CADPS: variants seen among roughly 807,000 people sequenced by gnomAD.
CADPS encodes the protein calcium-dependent secretion activator 1.
In CADPS, 57 loss-of-function variants were observed where a neutral mutation model predicts 167.3. That is an observed-to-expected ratio of 0.34 (90% CI 0.28 to 0.42). The LOEUF is 0.42. CADPS is among the 20% of genes least tolerant of loss of function. The pLI is 1.00. For synonymous variants in CADPS, 676 were observed against 635.3 expected, an observed-to-expected ratio of 1.06 and a Z score of -0.96; for missense variants, 1,414 against 1,738.1, an observed-to-expected ratio of 0.81 and a Z score of 3.32.
At chr3:62,540,865 T>C (rs1290149000) in intron 11 of CADPS, among the ~76,000 whole-genome samples, 1 of 152,110 alleles carries the variant, frequency 6.6e-6, no homozygotes, top group East Asian at 1.9e-4. Flanking sequence ...ACAGTTGGAA[T>C]TGGTTGATTA....
chr3:62,532,478 C>T (rs1389660465), intron 13 of CADPS, among the ~76,000 whole-genome samples: 3 of 152,148 alleles, frequency 2.0e-5, no homozygotes, highest in Non-Finnish European at 4.4e-5. Context: ...GTTTCAGGCA[C>T]TATGTTGAGC....
chr3:62,549,945 C>T lies in CADPS; in HGVS notation c.1924G>A (p.Gly642Arg). 1 of 1,614,026 alleles carries T rather than the reference C, an allele frequency of 6.2e-7. No homozygotes were observed. The highest frequency in any genetic ancestry group is 8.5e-7 in the Non-Finnish European group (1 of 1,179,948). Reference protein sequence around the residue: ...PTQVQKLNAKGGNVPQLDAPI... With the variant: ...PTQVQKLNAKRGNVPQLDAPI... Reference sequence around the variant, plus strand: ...GCATCCAGCTGAGGTACATTTCCTCCCTTGGCGTTGAGTTTCTGGACTTGG... The same window carrying T: ...GCATCCAGCTGAGGTACATTTCCTCTCTTGGCGTTGAGTTTCTGGACTTGG... The change falls in exon 11 of 30, where the codon GGA becomes AGA. Residue 642 changes from glycine (G) to arginine (R), a missense_variant. Physicochemically the swap from Gly to Arg is moderately radical, Grantham distance 125. Coordinates refer to ENST00000383710, the MANE Select transcript of CADPS (RefSeq NM_003716.4).
intron 28 of CADPS, among the ~76,000 whole-genome samples, chr3:62,417,980 C>T (rs2050485555): frequency 6.6e-6 from 1 of 151,920 alleles, no homozygotes; most frequent in Admixed American, 6.6e-5. Flanking sequence ...GCCTGGGCAA[C>T]AAGTGAGATC....
chr3:62,604,646 T>A (rs1351703363), intron 6 of CADPS, among the ~76,000 whole-genome samples: 1 of 152,244 alleles, frequency 6.6e-6, no homozygotes, highest in Non-Finnish European at 1.5e-5. Context: ...TGAATGTCAG[T>A]GTTGCCTTCT....
intron 6 of CADPS, among the ~76,000 whole-genome samples, chr3:62,603,737 G>C (rs1309401881): frequency 6.6e-6 from 1 of 152,034 alleles, no homozygotes; most frequent in Non-Finnish European, 1.5e-5. Flanking sequence ...AGAACTCTAA[G>C]CATATTGATC....
chr3:62,663,303 TA>T (rs1563529810), intron 3 of CADPS, among the ~76,000 whole-genome samples: 3 of 152,186 alleles, frequency 2.0e-5, no homozygotes, highest in South Asian at 2.1e-4. Context: ...CACTATATTC[TA>T]ATAGAATTTT....
intron 1 of CADPS, among the ~76,000 whole-genome samples, chr3:62,835,195 A>G (rs2075720365): frequency 6.6e-6 from 1 of 152,182 alleles, no homozygotes; most frequent in African/African-American, 2.4e-5. Context: ...CAAATAAATG[A>G]AGATGTATAA....
intron 17 of CADPS, among the ~76,000 whole-genome samples, chr3:62,501,595 C>T (rs1377427839): frequency 2.0e-5 from 3 of 152,166 alleles, no homozygotes; most frequent in African/African-American, 2.4e-5. Context: ...CAGGAAATCC[C>T]ACTTGGGGCA....
chr3:62,536,220 T>C, intron 12 of CADPS: 3 of 416,490 alleles, frequency 7.2e-6, no homozygotes, highest in Non-Finnish European at 1.3e-5. Flanking sequence ...GAAGCTAAGA[T>C]AGGGAGGCTG....
At chr3:62,516,968 C>T (rs1327842463) in intron 14 of CADPS, among the ~76,000 whole-genome samples, 1 of 151,998 alleles carries the variant, frequency 6.6e-6, no homozygotes, top group East Asian at 1.9e-4. Context: ...ATGTTATTAT[C>T]GAGACTGGCG....
intron 28 of CADPS, among the ~76,000 whole-genome samples, chr3:62,437,702 A>AGGC (rs2055419438): frequency 1.3e-5 from 2 of 152,162 alleles, no homozygotes; most frequent in Non-Finnish European, 2.9e-5. Context: ...GGTGTCAGGG[A>AGGC]GGCGCCACCC....
intron 22 of CADPS, among the ~76,000 whole-genome samples, chr3:62,479,594 T>C (rs544402238): frequency 6.6e-6 from 1 of 152,350 alleles, no homozygotes; most frequent in African/African-American, 2.4e-5. Context: ...CGCCCAAGCA[T>C]GCTGAGAGGG....
intron 1 of CADPS, among the ~76,000 whole-genome samples, chr3:62,774,099 A>G (rs2089658192): frequency 6.6e-6 from 1 of 152,142 alleles, no homozygotes; most frequent in South Asian, 2.1e-4. Flanking sequence ...AAAAAATAGG[A>G]AAAATGCATC....
At chr3:62,873,820 C>CA (rs2083108627) in intron 1 of CADPS, among the ~76,000 whole-genome samples, 1 of 152,060 alleles carries the variant, frequency 6.6e-6, no homozygotes, top group Non-Finnish European at 1.5e-5. Context: ...AGAATAGGGT[C>CA]AAAGACAGGA....
chr3:62,629,019 C>T (rs2064726609), intron 6 of CADPS, among the ~76,000 whole-genome samples: 1 of 152,094 alleles, frequency 6.6e-6, no homozygotes, highest in Non-Finnish European at 1.5e-5. Context: ...TGGAGGACTG[C>T]AATAGGCCCC....
At chr3:62,762,540 C>T (rs1330739445) in intron 2 of CADPS, among the ~76,000 whole-genome samples, 1 of 150,582 alleles carries the variant, frequency 6.6e-6, no homozygotes, top group African/African-American at 2.4e-5. Context: ...ACCTGCAGTC[C>T]AACTATATGG....
chr3:62,444,830 A>G (rs1208001557), intron 27 of CADPS, among the ~76,000 whole-genome samples: 1 of 152,192 alleles, frequency 6.6e-6, no homozygotes, highest in Non-Finnish European at 1.5e-5. Context: ...GAAAAAAACA[A>G]ATTTTAACAA....
chr3:62,506,041 A>G (rs779081322), intron 17 of CADPS, among the ~76,000 whole-genome samples: 1 of 152,218 alleles, frequency 6.6e-6, no homozygotes, highest in Non-Finnish European at 1.5e-5. Context: ...AGTAAACATC[A>G]TAACTTAAAC....
At chr3:62,481,975 C>T (rs962993163) in intron 21 of CADPS, 106 bp from the exon 22 acceptor site, 6 of 1,140,004 alleles carry the variant, frequency 5.3e-6, no homozygotes, top group East Asian at 4.9e-5. Flanking sequence ...CACAGCAAGA[C>T]AACAGCAAAA....
Sources: allele counts gnomAD v4.1 joint callset (sites outside exome capture counted in the v4.1 genomes callset), GRCh38; gene constraint gnomAD v4.1.1; transcripts MANE v1.5; gene names NCBI Gene and HGNC (gene_info 2026-07-23, HGNC 2026-07-21).